RBFOX1: variants seen among roughly 807,000 people sequenced by gnomAD.
RBFOX1 encodes RNA binding fox-1 homolog 1.
A neutral mutation model predicts 57.7 loss-of-function variants in RBFOX1; 8 were observed. The observed-to-expected ratio is 0.14, with a 90% CI of 0.08 to 0.25. The LOEUF (loss-of-function observed/expected upper bound fraction) is 0.25, where lower values mean the gene tolerates loss of function less well. RBFOX1 is among the 10% of genes least tolerant of loss of function. The pLI is 1.00. For missense variants in RBFOX1, 611 were observed against 548.5 expected (o/e 1.11, Z -1.14); for synonymous variants, 326 against 222.4 (o/e 1.47, Z -4.15).
intron 5 of RBFOX1, among the ~76,000 whole-genome samples, chr16:7,551,775 A>G (rs2086618618): frequency 6.6e-6 from 1 of 152,192 alleles, no homozygotes; most frequent in Non-Finnish European, 1.5e-5. Context: ...AGCTTGAAAT[A>G]GGCCATGATG....
intron 4 of RBFOX1, among the ~76,000 whole-genome samples, chr16:7,069,821 T>A (rs1032340660): frequency 2.0e-5 from 3 of 152,210 alleles, no homozygotes; most frequent in Admixed American, 2.0e-4. Context: ...CTCCTATCCA[T>A]GTCTCAATTT....
chr16:5,653,462 C>T (rs948789680), intron 3 of RBFOX1, among the ~76,000 whole-genome samples: 1 of 141,096 alleles, frequency 7.1e-6, no homozygotes, highest in Non-Finnish European at 1.5e-5. Context: ...CACCTTTGTA[C>T]GGAAGGTGGG....
intron 4 of RBFOX1, among the ~76,000 whole-genome samples, chr16:7,178,206 A>G (rs188678722): frequency 8.1e-4 from 124 of 152,220 alleles, no homozygotes; most frequent in Non-Finnish European, 1.5e-3. Flanking sequence ...CTCTAGGGAA[A>G]CTTTCCTCCA....
intron 2 of RBFOX1, among the ~76,000 whole-genome samples, chr16:6,538,585 A>C (rs1321215302): frequency 6.6e-6 from 1 of 152,224 alleles, no homozygotes; most frequent in Admixed American, 6.5e-5. Context: ...TAATAACAGA[A>C]GGTAACAAAT....
At chr16:6,100,323 T>C (rs2096289726) in intron 1 of RBFOX1, among the ~76,000 whole-genome samples, 2 of 152,154 alleles carry the variant, frequency 1.3e-5, no homozygotes, top group Non-Finnish European at 2.9e-5. Context: ...CCATTACGCC[T>C]GGCTAATGTT....
chr16:6,919,706 T>A (rs968065316), intron 3 of RBFOX1, among the ~76,000 whole-genome samples: 9 of 152,164 alleles, frequency 5.9e-5, no homozygotes, highest in Admixed American at 6.5e-5. Flanking sequence ...AGCACTGATA[T>A]ATTGTATGTT....
At chr16:5,257,787 G>C (rs1282735170) in intron 1 of RBFOX1, among the ~76,000 whole-genome samples, 2 of 152,014 alleles carry the variant, frequency 1.3e-5, no homozygotes, top group Non-Finnish European at 2.9e-5. Flanking sequence ...ACTTTGTCTC[G>C]ACTTCCTCTA....
At chr16:6,940,044 G>C (rs944902649) in intron 3 of RBFOX1, among the ~76,000 whole-genome samples, 2 of 152,116 alleles carry the variant, frequency 1.3e-5, no homozygotes, top group Admixed American at 6.5e-5. Flanking sequence ...GCAAAACCCT[G>C]TCTCTACTGA....
intron 3 of RBFOX1, among the ~76,000 whole-genome samples, chr16:5,747,315 T>C (rs2151608323): frequency 6.6e-6 from 1 of 152,350 alleles, no homozygotes; most frequent in South Asian, 2.1e-4. Flanking sequence ...TTTACATCAA[T>C]GTTCATCAGG....
At chr16:7,551,886 T>C (rs560766929) in intron 5 of RBFOX1, among the ~76,000 whole-genome samples, 1 of 152,290 alleles carries the variant, frequency 6.6e-6, no homozygotes, top group East Asian at 1.9e-4. Context: ...GAAGTGCACA[T>C]TTCTGTATGA....
chr16:6,305,264 C>G (rs901843344), intron 1 of RBFOX1, among the ~76,000 whole-genome samples: 2 of 152,168 alleles, frequency 1.3e-5, no homozygotes, highest in Non-Finnish European at 1.5e-5. Context: ...AGTGAGAACA[C>G]GTACCAATAC....
intron 1 of RBFOX1, among the ~76,000 whole-genome samples, chr16:6,301,761 T>G (rs1272879510): frequency 2.4e-4 from 37 of 152,238 alleles, no homozygotes; most frequent in Admixed American, 2.4e-3. Context: ...TGCTAGAATA[T>G]GCTTCTACTA....
chr16:5,864,629 T>G (rs2057302378), intron 3 of RBFOX1, among the ~76,000 whole-genome samples: 2 of 151,420 alleles, frequency 1.3e-5, no homozygotes, highest in African/African-American at 4.9e-5. Flanking sequence ...TGCTGTAGAG[T>G]TTTTAATGTC....
chr16:6,870,460 G>C (rs549317701), intron 3 of RBFOX1, among the ~76,000 whole-genome samples: 2 of 152,228 alleles, frequency 1.3e-5, no homozygotes, highest in East Asian at 3.9e-4. Context: ...GTTGACACAC[G>C]TCTGGCTAGC....
chr16:6,184,124 A>T (rs1375492278), intron 1 of RBFOX1, among the ~76,000 whole-genome samples: 1 of 152,156 alleles, frequency 6.6e-6, no homozygotes, highest in Non-Finnish European at 1.5e-5. Flanking sequence ...ATCTCATGAG[A>T]GTTATTCACT....
chr16:6,759,294 G>A lies in RBFOX1; in HGVS notation c.-16+104644G>A, dbSNP rs544559231. Among the ~76,000 whole-genome samples the A allele has an allele frequency of 5.3e-5, 8 of 152,184 alleles. No individual in the cohort carries two copies. The South Asian group carries it at 1.7e-3, about 32-fold the overall frequency. On this transcript the variant is annotated intron_variant, in intron 3 of 15. Coordinates refer to ENST00000550418, the MANE Select transcript of RBFOX1 (RefSeq NM_018723.4). Reference sequence around the variant, plus strand: ...GCCTCCCAAGTAGCTGGGATTACAGGTGCATGGCACCACAGCTGGCTAATT... The same window carrying A: ...GCCTCCCAAGTAGCTGGGATTACAGATGCATGGCACCACAGCTGGCTAATT...
chr16:5,763,570 T>A (rs977063728), intron 3 of RBFOX1, among the ~76,000 whole-genome samples: 1 of 152,270 alleles, frequency 6.6e-6, no homozygotes, highest in Non-Finnish European at 1.5e-5. Flanking sequence ...TAGAACATAA[T>A]TGCTTTTCAT....
At chr16:5,570,813 C>T (rs1043041367) in intron 2 of RBFOX1, among the ~76,000 whole-genome samples, 4 of 141,648 alleles carry the variant, frequency 2.8e-5, no homozygotes, top group African/African-American at 1.1e-4. Context: ...GTACTCCAGT[C>T]TGGGCAACAG....
At chr16:6,961,886 C>T (rs2083096447) in intron 3 of RBFOX1, among the ~76,000 whole-genome samples, 1 of 152,126 alleles carries the variant, frequency 6.6e-6, no homozygotes, top group African/African-American at 2.4e-5. Flanking sequence ...TTTTAGCTGG[C>T]TTCTTCACCA....
Sources: allele counts gnomAD v4.1 joint callset (sites outside exome capture counted in the v4.1 genomes callset), GRCh38; gene constraint gnomAD v4.1.1; transcripts MANE v1.5; gene names NCBI Gene and HGNC (gene_info 2026-07-23, HGNC 2026-07-21).